RPL38: variants seen among roughly 807,000 people sequenced by gnomAD.
RPL38 encodes ribosomal protein L38.
A neutral mutation model predicts 12.8 loss-of-function variants in RPL38; 2 were observed. The observed-to-expected ratio is 0.16, with a 90% confidence interval of 0.06 to 0.49. The LOEUF is 0.49. RPL38 is among the 20% of genes least tolerant of loss of function. The pLI is 0.96. For missense variants in RPL38, 52 were observed against 79.8 expected, an observed-to-expected ratio of 0.65 and a Z score of 1.33; for synonymous variants, 42 against 30.1, an observed-to-expected ratio of 1.39 and a Z score of -1.29.
chr17:74,209,767 T>C (rs570140035), intron 4 of RPL38, 37 bp from the exon 5 acceptor site: 1 of 1,602,322 alleles, frequency 6.2e-7, no homozygotes, highest in African/African-American at 1.3e-5. Context: ...CTCAGATGTG[T>C]CTTCTGGATG....
intron 3 of RPL38, 22 bp downstream of exon 3, chr17:74,204,212 T>C (rs373879120): frequency 5.3e-5 from 85 of 1,612,314 alleles, no homozygotes; most frequent in Non-Finnish European, 7.0e-5. Flanking sequence ...CTCCGAAGGT[T>C]CAAGAAGAGC....
chr17:74,207,375 G>A lies in RPL38; in HGVS notation c.65-1812G>A, dbSNP rs1448153804. Among the ~76,000 whole-genome samples the A allele has an allele frequency of 2.0e-5, 3 of 152,150 alleles. No homozygotes were observed. The East Asian group carries it at 5.8e-4, about 29-fold the overall frequency. ...ACGGTTTGTTTATTCGTCTATTGAT[G>A]GACATTGGGTTGCTTCTACATTTTC... On this transcript the variant is annotated intron_variant, in intron 3 of 4. Coordinates refer to ENST00000311111, the MANE Select transcript of RPL38 (RefSeq NM_000999.4).
chr17:74,208,941 C>CA (rs1233665326), intron 3 of RPL38, among the ~76,000 whole-genome samples: 10 of 151,998 alleles, frequency 6.6e-5, no homozygotes, highest in Non-Finnish European at 1.3e-4. Context: ...TCTCAAAAAA[C>CA]AAAGTAGAAA....
intron 3 of RPL38, among the ~76,000 whole-genome samples, chr17:74,208,328 A>G (rs1303557593): frequency 6.6e-6 from 1 of 152,240 alleles, no homozygotes; most frequent in East Asian, 1.9e-4. Context: ...GTACATAACC[A>G]GAGTGGTGCA....
rs111945872 is a variant in RPL38, at chr17:74,208,987, T to C, written c.65-200T>C. Among the ~76,000 whole-genome samples the C allele has an allele frequency of 6.2e-3, 937 of 152,170 alleles. 9 individuals carry two copies. Among genetic ancestry groups the C allele is most frequent in the Middle Eastern group, 0.02 (6 of 294 alleles). On this transcript the variant is annotated intron_variant, in intron 3 of 4. Transcript: ENST00000311111. Reference sequence around the variant, plus strand: ...AATAAGGTTGATAGAAGATATTCTGTAATGTTGTGTTCAGTGTACCCAATA... The same window carrying C: ...AATAAGGTTGATAGAAGATATTCTGCAATGTTGTGTTCAGTGTACCCAATA...
In RPL38 at chr17:74,209,978, CTTTTTTT is replaced by C. The variant is rs58720199; in HGVS notation, c.*162_*168del. 2.2e-5 allele frequency: 8 copies of C among 357,276 alleles called. No individual in the cohort carries two copies. The highest frequency in any genetic ancestry group is 5.2e-5 in the African/African-American group (2 of 38,496). The allele number at this position is 357,276 out of a possible 1,614,324, so 22.1% of individuals were successfully genotyped here. A position where few individuals can be genotyped will look rare whatever the true frequency, so the allele number is the denominator to read the frequency against. ...GGGTTCTGTTGCTGCCTTCCTGTGT[CTTTTTTT>C]TTTTTTTTTTTTCTTTCTTTGAGAC... On this transcript the variant is annotated 3_prime_UTR_variant, in exon 5 of 5. Transcript: ENST00000311111.
chr17:74,209,552 G>A (rs1273076459), intron 4 of RPL38: 28 of 632,572 alleles, frequency 4.4e-5, no homozygotes, highest in Admixed American at 1.2e-4. Context: ...ACGACCCTTC[G>A]AGGTTGGTGC....
intron 4 of RPL38, 93 bp from the exon 5 acceptor site, chr17:74,209,711 T>C: frequency 9.5e-7 from 1 of 1,057,762 alleles, no homozygotes; most frequent in Non-Finnish European, 1.5e-6. Flanking sequence ...CTGAACCTTG[T>C]GTGCTCTCTT....
intron 3 of RPL38, among the ~76,000 whole-genome samples, chr17:74,207,696 G>C (rs1278746479): frequency 2.0e-5 from 3 of 151,572 alleles, no homozygotes; most frequent in South Asian, 4.2e-4. Context: ...AGGAGAGACG[G>C]GGTTTCTCCA....
In RPL38 at chr17:74,209,095, A is replaced by ATGCTGCT; in HGVS notation, c.65-90_65-84dup. The ATGCTGCT allele has an allele frequency of 2.2e-6, 3 of 1,388,476 alleles. No homozygotes were observed. The East Asian group carries it at 6.9e-5, about 32-fold the overall frequency. The allele number at this position is 1,388,476 out of a possible 1,614,324, so 86.0% of individuals were successfully genotyped here. ...ACTGGAGGTGGGTGCTGTCTCCTGCATGCTGCTTACTGCTTGAGTGTATTT... is the reference window on the plus strand; with the variant it reads ...ACTGGAGGTGGGTGCTGTCTCCTGCATGCTGCTTGCTGCTTACTGCTTGAGTGTATTT... On this transcript the variant is annotated intron_variant, in intron 3 of 4. Coordinates refer to ENST00000311111, the MANE Select transcript of RPL38 (RefSeq NM_000999.4).
chr17:74,207,890 T>C (rs1244699731), intron 3 of RPL38, among the ~76,000 whole-genome samples: 1 of 152,168 alleles, frequency 6.6e-6, no homozygotes, highest in East Asian at 1.9e-4. Flanking sequence ...TATACTGAAA[T>C]AGGTTAGTTT....
At position 74,210,023 on chromosome 17, in the gene RPL38, T is replaced by G. The variant is rs1598207399; in HGVS notation, c.*194T>G. 1.9e-6 allele frequency: 1 copy of G among 537,828 alleles called. No homozygotes were observed. The highest frequency in any genetic ancestry group is 3.2e-5 in the East Asian group (1 of 31,462). The allele number at this position is 537,828 out of a possible 1,614,324, so 33.3% of individuals were successfully genotyped here. A position where few individuals can be genotyped will look rare whatever the true frequency, so the allele number is the denominator to read the frequency against. The stretch of plus-strand genomic sequence containing the variant: ...CTTTCTTTGAGACGGAGTCTTGCTC[T>G]GTGGCTCATCCTGGAGCACAGTGGT... On this transcript the variant is annotated 3_prime_UTR_variant, in exon 5 of 5. Coordinates refer to ENST00000311111, the MANE Select transcript of RPL38 (RefSeq NM_000999.4).
intron 3 of RPL38, among the ~76,000 whole-genome samples, chr17:74,207,088 T>C (rs1306562844): frequency 1.3e-5 from 2 of 152,074 alleles, no homozygotes; most frequent in African/African-American, 4.8e-5. Flanking sequence ...CATGGCTCAC[T>C]ACATCCTTGA....
At chr17:74,203,835 G>C in intron 1 of RPL38, 83 bp from the exon 2 acceptor site, 1 of 1,278,960 alleles carries the variant, frequency 7.8e-7, no homozygotes, top group Non-Finnish European at 1.1e-6. Context: ...GTGCGATGGG[G>C]CCGATATTTC....
intron 1 of RPL38, 33 bp downstream of exon 1, chr17:74,203,778 C>G: frequency 2.7e-6 from 2 of 734,616 alleles, no homozygotes; most frequent in Non-Finnish European, 4.5e-6. Context: ...CAGGTGAAAT[C>G]TGGGGACCCC....
chr17:74,208,902 C>T (rs757542505), intron 3 of RPL38, among the ~76,000 whole-genome samples: 1 of 152,140 alleles, frequency 6.6e-6, no homozygotes, highest in Non-Finnish European at 1.5e-5. Flanking sequence ...CGCCACTACA[C>T]TCCAGCCTGG....
At chr17:74,204,424 C>T (rs1338792189) in intron 3 of RPL38, 4 of 551,800 alleles carry the variant, frequency 7.2e-6, no homozygotes, top group Non-Finnish European at 1.3e-5. Flanking sequence ...CAGAGGCCGC[C>T]CTGAGTTCAG....
intron 3 of RPL38, 25 bp from the exon 4 acceptor site, chr17:74,209,162 A>C: frequency 6.2e-7 from 1 of 1,611,864 alleles, no homozygotes; most frequent in Non-Finnish European, 8.5e-7. Context: ...GATACAATTT[A>C]ATTCCTGATT....
intron 2 of RPL38, 24 bp downstream of exon 2, chr17:74,203,982 C>T (rs763876520): frequency 2.5e-6 from 4 of 1,612,928 alleles, no homozygotes; most frequent in South Asian, 2.2e-5. Flanking sequence ...CTGCCTGGCG[C>T]CTTCCCGGGG....
Sources: gnomAD v4.1 joint callset for allele counts (sites outside exome capture counted in the v4.1 genomes callset) on GRCh38, gnomAD v4.1.1 for gene constraint, MANE v1.5 for transcripts, NCBI Gene and HGNC (gene_info 2026-07-23, HGNC 2026-07-21) for gene names.